CD86: variants seen among roughly 807,000 people sequenced by gnomAD.
The protein encoded by CD86 is CD86 molecule, also known as T-lymphocyte activation antigen CD86.
Under a neutral mutation model 32.1 loss-of-function variants are expected in CD86, and 11 were observed. The observed-to-expected ratio is 0.34, with a 90% CI of 0.22 to 0.57. The LOEUF (loss-of-function observed/expected upper bound fraction) is 0.57, where lower values mean the gene tolerates loss of function less well. Ranked by LOEUF, CD86 falls within the 20% of genes least tolerant of loss-of-function variation. The probability of loss-of-function intolerance (pLI) is 0.86; values close to 1 mark genes in which losing one functional copy is unlikely to be tolerated. For synonymous variants in CD86, 137 were observed against 135.3 expected, an observed-to-expected ratio of 1.01 and a Z score of -0.09; for missense variants, 359 against 398.4, an observed-to-expected ratio of 0.90 and a Z score of 0.84.
At chr3:122,109,631 TA>T (rs1179803495) in intron 5 of CD86, among the ~76,000 whole-genome samples, 1 of 152,250 alleles carries the variant, frequency 6.6e-6, no homozygotes, top group Non-Finnish European at 1.5e-5. Flanking sequence ...ACCTCTGGTT[TA>T]CAAATGTACT....
intron 5 of CD86, 88 bp downstream of exon 5, chr3:122,109,496 C>G: frequency 1.4e-6 from 2 of 1,455,570 alleles, no homozygotes; most frequent in Admixed American, 1.9e-5. Context: ...GTTGGCTGAG[C>G]CTAGACTGGC....
At chr3:122,112,303 TA>T (rs748764894) in intron 5 of CD86, among the ~76,000 whole-genome samples, 23 of 152,046 alleles carry the variant, frequency 1.5e-4, no homozygotes, top group African/African-American at 5.6e-4. Context: ...AAATTATTAT[TA>T]TTTTTTTTTA....
chr3:122,065,214 A>G (rs1400946962), intron 1 of CD86, among the ~76,000 whole-genome samples: 2 of 152,178 alleles, frequency 1.3e-5, no homozygotes, highest in African/African-American at 4.8e-5. Flanking sequence ...CAGGGAAGGA[A>G]GACATTACTT....
chr3:122,074,178 T>A (rs1272559528), intron 1 of CD86, among the ~76,000 whole-genome samples: 1 of 152,204 alleles, frequency 6.6e-6, no homozygotes, highest in Non-Finnish European at 1.5e-5. Context: ...GCTGCCTTTC[T>A]AGGCATGAGC....
At chr3:122,061,832 C>T (rs1050977649) in intron 1 of CD86, among the ~76,000 whole-genome samples, 2 of 152,194 alleles carry the variant, frequency 1.3e-5, no homozygotes, top group Non-Finnish European at 2.9e-5. Context: ...CCAGCAACTG[C>T]ATTCTTGGGT....
At chr3:122,059,314 G>C (rs1330684557) in intron 1 of CD86, among the ~76,000 whole-genome samples, 1 of 152,116 alleles carries the variant, frequency 6.6e-6, no homozygotes, top group Non-Finnish European at 1.5e-5. Flanking sequence ...ATCTAAGGAG[G>C]GAGATGAGGA....
intron 1 of CD86, among the ~76,000 whole-genome samples, chr3:122,085,963 T>C (rs2072711253): frequency 6.6e-6 from 1 of 152,154 alleles, no homozygotes; most frequent in South Asian, 2.1e-4. Context: ...TAATCCTTCC[T>C]CCACAGAGAC....
At chr3:122,084,460 C>T (rs1245661903) in intron 1 of CD86, among the ~76,000 whole-genome samples, 3 of 152,358 alleles carry the variant, frequency 2.0e-5, no homozygotes, top group Admixed American at 6.5e-5. Flanking sequence ...TTACAATAGA[C>T]ATAGCAGTGT....
chr3:122,119,421 T>C lies in CD86; in HGVS notation c.894-17T>C, dbSNP rs765680495. The C allele has an allele frequency of 6.8e-7, 1 of 1,466,926 alleles. No homozygotes were observed. Among genetic ancestry groups the C allele is most frequent in the Non-Finnish European group, 9.5e-7 (1 of 1,049,140 alleles). The allele number at this position is 1,466,926 out of a possible 1,614,324, so 90.9% of individuals were successfully genotyped here. ...CAAATGTGAAATATCACCTAATCTTTTCTTCTATTTCTCCAGAGAAAAAAT... is the reference window on the plus strand; with the variant it reads ...CAAATGTGAAATATCACCTAATCTTCTCTTCTATTTCTCCAGAGAAAAAAT... On this transcript the variant is annotated splice_polypyrimidine_tract_variant and intron_variant, in intron 6 of 6. Coordinates refer to ENST00000330540, the MANE Select transcript of CD86 (RefSeq NM_175862.5).
In CD86 at chr3:122,103,718, G is replaced by C; in HGVS notation, c.271G>C (p.Asp91His). The C allele has an allele frequency of 6.2e-7, 1 of 1,614,054 alleles. No individual in the cohort carries two copies. The highest frequency in any genetic ancestry group is 8.5e-7 in the Non-Finnish European group (1 of 1,179,932). The change falls in exon 3 of 7, where the codon GAC (aspartate) becomes CAC (histidine). Residue 91 changes from aspartate (D) to histidine (H), a missense_variant. Coordinates refer to ENST00000330540, the MANE Select transcript of CD86 (RefSeq NM_175862.5). ...TATGGGCCGCACAAGTTTTGATTCG[G>C]ACAGTTGGACCCTGAGACTTCACAA... ...KYMGRTSFDS[D>H]SWTLRLHNLQ...
chr3:122,094,913 G>A (rs1250032414), intron 2 of CD86, among the ~76,000 whole-genome samples: 1 of 152,200 alleles, frequency 6.6e-6, no homozygotes, highest in African/African-American at 2.4e-5. Flanking sequence ...CACCTGCAGA[G>A]GCACTTCTAA....
chr3:122,092,797 A>T (rs561424196), intron 2 of CD86, among the ~76,000 whole-genome samples: 1 of 152,300 alleles, frequency 6.6e-6, no homozygotes, highest in South Asian at 2.1e-4. Flanking sequence ...CCTCCTCCAG[A>T]TGGCCACACA....
At chr3:122,113,201 A>G (rs1009693433) in intron 5 of CD86, among the ~76,000 whole-genome samples, 2 of 152,208 alleles carry the variant, frequency 1.3e-5, no homozygotes, top group Non-Finnish European at 2.9e-5. Flanking sequence ...TTTATGGCTG[A>G]GTAATATTCC....
intron 1 of CD86, among the ~76,000 whole-genome samples, chr3:122,069,186 G>A (rs550944272): frequency 9.2e-5 from 14 of 151,990 alleles, no homozygotes; most frequent in African/African-American, 3.1e-4. Context: ...GGAGGGCAGG[G>A]ACCACACTTC....
chr3:122,105,327 G>C (rs2073074435), intron 3 of CD86, among the ~76,000 whole-genome samples: 1 of 152,234 alleles, frequency 6.6e-6, no homozygotes, highest in Non-Finnish European at 1.5e-5. Context: ...TAGACTCCAA[G>C]AAGACTGCTC....
chr3:122,077,254 G>A (rs572363042), intron 1 of CD86, among the ~76,000 whole-genome samples: 33 of 152,248 alleles, frequency 2.2e-4, no homozygotes, highest in African/African-American at 7.7e-4. Flanking sequence ...TGAAGCACTA[G>A]GTTTGGAGAA....
At chr3:122,090,263 A>G (rs961867689) in intron 1 of CD86, among the ~76,000 whole-genome samples, 1 of 152,230 alleles carries the variant, frequency 6.6e-6, no homozygotes, top group African/African-American at 2.4e-5. Flanking sequence ...AATGTCCTGC[A>G]CTGGGTGCTA....
At chr3:122,076,650 A>G (rs946098155) in intron 1 of CD86, among the ~76,000 whole-genome samples, 1 of 152,194 alleles carries the variant, frequency 6.6e-6, no homozygotes, top group Non-Finnish European at 1.5e-5. Flanking sequence ...AGGCCTGTTT[A>G]CAGACCTCTG....
intron 4 of CD86, among the ~76,000 whole-genome samples, chr3:122,108,256 C>A (rs893203788): frequency 6.6e-6 from 1 of 152,194 alleles, no homozygotes; most frequent in Non-Finnish European, 1.5e-5. Flanking sequence ...ATCGCTTGAT[C>A]AGAGATAGGT....
Sources: allele counts gnomAD v4.1 joint callset (sites outside exome capture counted in the v4.1 genomes callset), GRCh38; gene constraint gnomAD v4.1.1; transcripts MANE v1.5; gene names NCBI Gene and HGNC (gene_info 2026-07-23, HGNC 2026-07-21).